PAFAH1B1: variants seen among roughly 807,000 people sequenced by gnomAD.
PAFAH1B1 encodes platelet-activating factor acetylhydrolase IB subunit beta.
A neutral mutation model predicts 57.5 loss-of-function variants in PAFAH1B1; 2 were observed. The ratio of observed to expected loss-of-function variants is 0.03; its 90% CI spans 0.01 to 0.11. The LOEUF (loss-of-function observed/expected upper bound fraction) is 0.11. Among genes scored for constraint, PAFAH1B1 ranks in the 10% least tolerant of loss-of-function variants. The pLI, the probability that PAFAH1B1 is intolerant of heterozygous loss-of-function variation, is 1.00. For missense variants in PAFAH1B1, 257 were observed against 512.0 expected, an observed-to-expected ratio of 0.50 and a Z score of 4.81; for synonymous variants, 152 against 169.6, an observed-to-expected ratio of 0.90 and a Z score of 0.81.
intron 1 of PAFAH1B1, among the ~76,000 whole-genome samples, chr17:2,634,831 T>G (rs1452039832): frequency 6.6e-6 from 1 of 152,182 alleles, no homozygotes; most frequent in Non-Finnish European, 1.5e-5. Flanking sequence ...ATTGCCTTCT[T>G]GGCCGATGCT....
intron 1 of PAFAH1B1, among the ~76,000 whole-genome samples, chr17:2,607,542 C>T (rs1006513753): frequency 6.6e-6 from 1 of 151,480 alleles, no homozygotes; most frequent in African/African-American, 2.4e-5. Context: ...CAGAGTGCAG[C>T]AGCACCATCT....
intron 2 of PAFAH1B1, among the ~76,000 whole-genome samples, chr17:2,650,358 G>A (rs797001523): frequency 4.5e-4 from 68 of 151,970 alleles, no homozygotes; most frequent in African/African-American, 1.5e-3. Flanking sequence ...CTGAAAATAC[G>A]AACATTAGCC....
At position 2,684,933 on chromosome 17, in the gene PAFAH1B1, CTTAA is replaced by C. The variant is rs2069452242; in HGVS notation, c.*3136_*3139del. ...ACTCGTTAAATAGGTTTTCTTTAAACTTAATTAAAGAAAAACTATTTAAAGGTAA... is the reference window on the plus strand; with the variant it reads ...ACTCGTTAAATAGGTTTTCTTTAAACTTAAAGAAAAACTATTTAAAGGTAA... On this transcript the variant is annotated 3_prime_UTR_variant, in exon 11 of 11. Coordinates refer to ENST00000397195, the MANE Select transcript of PAFAH1B1 (RefSeq NM_000430.4). 5.9e-5 allele frequency: 9 copies of C among 152,174 alleles called. 1 individual carries two copies. In the South Asian group the frequency reaches 1.5e-3, roughly 25 times the overall value. The allele number at this position is 152,174 out of a possible 1,614,324, so 9.4% of individuals were successfully genotyped here. A position where few individuals can be genotyped will look rare whatever the true frequency, so the allele number is the denominator to read the frequency against.
intron 1 of PAFAH1B1, among the ~76,000 whole-genome samples, chr17:2,598,015 G>T (rs1298173201): frequency 6.6e-6 from 1 of 152,036 alleles, no homozygotes; most frequent in Non-Finnish European, 1.5e-5. Flanking sequence ...GGGAGGCCGA[G>T]GCGGGTGGAT....
chr17:2,611,720 GT>G (rs1358233079), intron 1 of PAFAH1B1, among the ~76,000 whole-genome samples: 1 of 152,152 alleles, frequency 6.6e-6, no homozygotes, highest in Non-Finnish European at 1.5e-5. Flanking sequence ...AACACAGTAA[GT>G]TTTGATCTTA....
chr17:2,605,316 A>C (rs1195965299), intron 1 of PAFAH1B1, among the ~76,000 whole-genome samples: 5 of 152,220 alleles, frequency 3.3e-5, no homozygotes. Context: ...AGAGAATAAG[A>C]GGAGGAGTTG....
chr17:2,678,603 C>G (rs1310917702), intron 9 of PAFAH1B1, among the ~76,000 whole-genome samples: 1 of 151,644 alleles, frequency 6.6e-6, no homozygotes, highest in Non-Finnish European at 1.5e-5. Flanking sequence ...AAAACATACT[C>G]TTGGCCAGGC....
chr17:2,648,030 G>A (rs2068791954), intron 2 of PAFAH1B1, among the ~76,000 whole-genome samples: 3 of 151,826 alleles, frequency 2.0e-5, no homozygotes, highest in Admixed American at 1.3e-4. Context: ...AATAAATAAA[G>A]GAAAGAGGTT....
chr17:2,637,360 G>C, intron 1 of PAFAH1B1, among the ~76,000 whole-genome samples: 1 of 152,100 alleles, frequency 6.6e-6, no homozygotes, highest in East Asian at 1.9e-4. Flanking sequence ...ACTGAGGCAG[G>C]AGGATCCCAT....
chr17:2,676,149 C>T (rs12450481), intron 8 of PAFAH1B1, among the ~76,000 whole-genome samples: 33,028 of 152,056 alleles, frequency 0.22, 3,722 homozygotes, highest in Middle Eastern at 0.27. Flanking sequence ...CGAGGTGGGC[C>T]GATCGATCAT....
intron 2 of PAFAH1B1, among the ~76,000 whole-genome samples, chr17:2,659,261 A>G (rs1321271012): frequency 6.7e-6 from 1 of 150,164 alleles, no homozygotes; most frequent in African/African-American, 2.5e-5. Context: ...AAAAAAGGCC[A>G]GGTACAGTGG....
chr17:2,662,042 C>CAAAAAAAA (rs11394286), intron 2 of PAFAH1B1: 1 of 67,856 alleles, frequency 1.5e-5, no homozygotes, highest in Non-Finnish European at 2.9e-5. Context: ...GACTCCATCT[C>CAAAAAAAA]AAAAAAAAAA....
chr17:2,656,059 A>T (rs1046179483), intron 2 of PAFAH1B1, among the ~76,000 whole-genome samples: 1 of 151,976 alleles, frequency 6.6e-6, no homozygotes, highest in Non-Finnish European at 1.5e-5. Context: ...AGTGACTGAG[A>T]CTACAGACAT....
intron 1 of PAFAH1B1, among the ~76,000 whole-genome samples, chr17:2,621,459 C>T (rs1171409807): frequency 6.6e-6 from 1 of 152,164 alleles, no homozygotes; most frequent in African/African-American, 2.4e-5. Context: ...CATTGCTTAA[C>T]AGATTCTTGA....
intron 1 of PAFAH1B1, among the ~76,000 whole-genome samples, chr17:2,596,094 G>C (rs1057168157): frequency 3.9e-5 from 6 of 152,002 alleles, no homozygotes; most frequent in Non-Finnish European, 7.4e-5. Flanking sequence ...TTTTTTGCAT[G>C]ATGGGCATTG....
intron 1 of PAFAH1B1, among the ~76,000 whole-genome samples, chr17:2,625,655 G>A (rs2068479781): frequency 6.6e-6 from 1 of 152,204 alleles, no homozygotes; most frequent in South Asian, 2.1e-4. Context: ...GCTGGGCATG[G>A]AGGCTCTTTC....
At chr17:2,680,026 T>A in intron 9 of PAFAH1B1, 138 bp from the exon 10 acceptor site, 1 of 805,944 alleles carries the variant, frequency 1.2e-6, no homozygotes, top group South Asian at 1.6e-5. Context: ...CAGTTTCCTT[T>A]AATCTAGAAT....
intron 1 of PAFAH1B1, chr17:2,613,163 T>C (rs1171763182): frequency 6.3e-6 from 1 of 157,678 alleles, no homozygotes. Flanking sequence ...TGTTTTTGTT[T>C]TTGTTTGCAT....
intron 1 of PAFAH1B1, among the ~76,000 whole-genome samples, chr17:2,595,000 AC>A (rs1665159843): frequency 6.6e-6 from 1 of 152,150 alleles, no homozygotes; most frequent in Non-Finnish European, 1.5e-5. Flanking sequence ...TTCTTCAGTG[AC>A]TTAGCAAGAA....
Sources: gnomAD v4.1 joint callset for allele counts (sites outside exome capture counted in the v4.1 genomes callset) on GRCh38, gnomAD v4.1.1 for gene constraint, MANE v1.5 for transcripts, NCBI Gene and HGNC (gene_info 2026-07-23, HGNC 2026-07-21) for gene names.